ERVV-2: variants seen among roughly 807,000 people sequenced by gnomAD.
ERVV-2 encodes endogenous retrovirus group V member 2 Env polyprotein.
For synonymous variants in ERVV-2, 105 were observed against 184.6 expected, an observed-to-expected ratio of 0.57 and a Z score of 3.49; for missense variants, 291 against 495.1, an observed-to-expected ratio of 0.59 and a Z score of 3.91.
At chr19:53,047,305 GC>G (rs2083894988) in intron 1 of ERVV-2, among the ~76,000 whole-genome samples, 1 of 152,088 alleles carries the variant, frequency 6.6e-6, no homozygotes, top group African/African-American at 2.4e-5. Flanking sequence ...CCAAGATAGC[GC>G]CACTGCACTC....
rs1205853660 is a variant in ERVV-2 at position 53,050,921 on chromosome 19, C to T, written c.*62C>T. 30 of 1,415,020 alleles carry T rather than the reference C, an allele frequency of 2.1e-5. No homozygotes were observed. The highest frequency in any genetic ancestry group is 2.8e-5 in the Non-Finnish European group (30 of 1,075,796). 87.7% of individuals were successfully genotyped at this position (1,415,020 alleles called of 1,614,324 possible). ...GCCCCATGTCAGCAGGAAGTAGTTACAGAAGACCCACGACGTCCTTACAAC... is the reference window on the plus strand; with the variant it reads ...GCCCCATGTCAGCAGGAAGTAGTTATAGAAGACCCACGACGTCCTTACAAC... On this transcript the variant is annotated 3_prime_UTR_variant, in exon 2 of 2. Transcript: ENST00000601417.
chr19:53,048,122 A>T (rs57600990), intron 1 of ERVV-2, among the ~76,000 whole-genome samples: 4,041 of 152,178 alleles, frequency 0.027, 169 homozygotes, highest in African/African-American at 0.091. Flanking sequence ...TGGGCTGATC[A>T]CCTGTCAGGT....
intron 1 of ERVV-2, among the ~76,000 whole-genome samples, chr19:53,047,725 C>T (rs748325868): frequency 5.1e-4 from 78 of 152,164 alleles, no homozygotes; most frequent in Non-Finnish European, 5.1e-4. Context: ...GGTAAAGGGA[C>T]ACTTCCTCTA....
chr19:53,048,250 T>A (rs917898885), intron 1 of ERVV-2, among the ~76,000 whole-genome samples: 2 of 152,072 alleles, frequency 1.3e-5, no homozygotes, highest in Admixed American at 6.6e-5. Context: ...GGCGGTCACC[T>A]GTAATCTCAG....
Position 53,049,053 on chromosome 19 carries a change from A to G in ERVV-2, c.-199A>G. ...GCCTTCTCTCTGTTCACCCAAAACTAAAGTCAATCTCAGTACGGGGAATCT... is the reference window on the plus strand; with the variant it reads ...GCCTTCTCTCTGTTCACCCAAAACTGAAGTCAATCTCAGTACGGGGAATCT... On this transcript the variant is annotated 5_prime_UTR_variant, in exon 2 of 2. Transcript: ENST00000601417. The G allele has an allele frequency of 1.4e-6, 1 of 724,580 alleles. No homozygotes were observed. Among genetic ancestry groups the G allele is most frequent in the Non-Finnish European group, 2.2e-6 (1 of 451,098 alleles). 44.9% of individuals were successfully genotyped at this position (724,580 alleles called of 1,614,324 possible).
intron 1 of ERVV-2, among the ~76,000 whole-genome samples, chr19:53,045,704 A>C (rs1040944696): frequency 6.6e-6 from 1 of 152,186 alleles, no homozygotes; most frequent in East Asian, 1.9e-4. Context: ...ACCGTTGATT[A>C]ATCTCCCAGG....
At chr19:53,048,589 CA>C (rs1300044731) in intron 1 of ERVV-2, among the ~76,000 whole-genome samples, 3 of 146,118 alleles carry the variant, frequency 2.1e-5, no homozygotes, top group Admixed American at 7.0e-5. Flanking sequence ...GCAGGTGAAT[CA>C]CTTGAACCTG....
chr19:53,045,084 C>G (rs867063709), intron 1 of ERVV-2, 126 bp downstream of exon 1: 2 of 152,338 alleles, frequency 1.3e-5, no homozygotes, highest in African/African-American at 4.8e-5. Context: ...CTCTCAGGCT[C>G]TGTTCACTAA....
chr19:53,050,701 T>C lies in ERVV-2; in HGVS notation c.1450T>C (p.Cys484Arg). 6.5e-7 allele frequency: 1 copy of C among 1,531,912 alleles called. No individual in the cohort carries two copies. Among genetic ancestry groups the C allele is most frequent in the Non-Finnish European group, 8.7e-7 (1 of 1,143,076 alleles). 94.9% of individuals were successfully genotyped at this position (1,531,912 alleles called of 1,614,324 possible). The part of the protein sequence containing the change: ...GPCFFNLLIK[C>R]VSSRIKQFHM... ...TTGTTTCTTTAATTTACTGATTAAG[T>C]GTGTCTCTTCTAGGATAAAGCAATT... The change falls in exon 2 of 2, where the codon TGT becomes CGT. Residue 484 changes from cysteine to arginine, a missense_variant. Transcript: ENST00000601417.
intron 1 of ERVV-2, among the ~76,000 whole-genome samples, chr19:53,047,272 CA>C (rs2083894870): frequency 6.6e-6 from 1 of 152,126 alleles, no homozygotes; most frequent in Non-Finnish European, 1.5e-5. Flanking sequence ...CGCTTGAACC[CA>C]GGAGGCGGAG....
Position 53,049,047 on chromosome 19 carries a change from A to G in ERVV-2, c.-205A>G. ...AGTAAAGCCTTCTCTCTGTTCACCCAAAACTAAAGTCAATCTCAGTACGGG... is the reference window on the plus strand; with the variant it reads ...AGTAAAGCCTTCTCTCTGTTCACCCGAAACTAAAGTCAATCTCAGTACGGG... On this transcript the variant is annotated 5_prime_UTR_variant, in exon 2 of 2. Transcript: ENST00000601417. 1.4e-6 allele frequency: 1 copy of G among 720,652 alleles called. No individual in the cohort carries two copies. Among genetic ancestry groups the G allele is most frequent in the Non-Finnish European group, 2.2e-6 (1 of 447,840 alleles). 44.6% of individuals were successfully genotyped at this position (720,652 alleles called of 1,614,324 possible).
At chr19:53,046,253 ACT>A (rs1191562416) in intron 1 of ERVV-2, among the ~76,000 whole-genome samples, 1 of 151,468 alleles carries the variant, frequency 6.6e-6, no homozygotes, top group East Asian at 1.9e-4. Flanking sequence ...CAAGAGCGAA[ACT>A]CTGTCTGAAA....
Position 53,050,831 on chromosome 19 carries a change from G to A in ERVV-2, c.1580G>A (p.Arg527Gln), listed in dbSNP as rs767303595. 72 of 1,533,292 alleles carry A rather than the reference G, an allele frequency of 4.7e-5. No individual in the cohort carries two copies. Among genetic ancestry groups the A allele is most frequent in the Non-Finnish European group, 5.5e-5 (63 of 1,145,914 alleles). 95.0% of individuals were successfully genotyped at this position (1,533,292 alleles called of 1,614,324 possible). A position where few individuals can be genotyped will look rare whatever the true frequency, so the allele number is the denominator to read the frequency against. The change falls in exon 2 of 2, where the codon CGG (arginine) becomes CAG (glutamine). Residue 527 changes from arginine (R) to glutamine (Q), a missense_variant. Physicochemically the swap from Arg to Gln is conservative, Grantham distance 43. Coordinates refer to ENST00000601417, the MANE Select transcript of ERVV-2 (RefSeq NM_001191055.2). Reference protein sequence around the residue: ...SPLDASGQRFRETMEEFSL With the variant: ...SPLDASGQRFQETMEEFSL ...TTGGATGCCAGTGGGCAAAGATTCC[G>A]GGAAACTATGGAGGAATTTTCTCTC...
chr19:53,046,960 G>A (rs2083893615), intron 1 of ERVV-2, among the ~76,000 whole-genome samples: 1 of 152,154 alleles, frequency 6.6e-6, no homozygotes, highest in South Asian at 2.1e-4. Context: ...GAGGTCGGGA[G>A]TTTGAGACCA....
At chr19:53,045,621 A>G (rs1372310819) in intron 1 of ERVV-2, among the ~76,000 whole-genome samples, 2 of 152,078 alleles carry the variant, frequency 1.3e-5, no homozygotes, top group Non-Finnish European at 2.9e-5. Context: ...AATTAAAACT[A>G]CAATCCGGTG....
Position 53,050,552 on chromosome 19 carries a change from G to A in ERVV-2, c.1301G>A (p.Gly434Glu). The change falls in exon 2 of 2, where the codon GGA (glycine) becomes GAA (glutamate). Residue 434 changes from glycine to glutamate, a missense_variant. Transcript: ENST00000601417. ...GAGGCTACGTGGCTCCATGACTTTG[G>A]AAAAGGAGGTGCTTCAGCAAGGGCC... The part of the protein sequence containing the change: ...YDEATWLHDF[G>E]KGGASARAIW... 1 of 784,412 alleles carries A rather than the reference G, an allele frequency of 1.3e-6. No homozygotes were observed. Among genetic ancestry groups the A allele is most frequent in the Non-Finnish European group, 2.2e-6 (1 of 459,544 alleles). The allele number at this position is 784,412 out of a possible 1,614,324, so 48.6% of individuals were successfully genotyped here.
At position 53,049,081 on chromosome 19, in the gene ERVV-2, G is replaced by T. The variant is rs1332852068; in HGVS notation, c.-171G>T. ...GTCAATCTCAGTACGGGGAATCTTG[G>T]TTGCGGTGGCATTGGTTCTTCTCCT... On this transcript the variant is annotated 5_prime_UTR_variant, in exon 2 of 2. Transcript: ENST00000601417. The T allele has an allele frequency of 1.4e-6, 1 of 737,446 alleles. No homozygotes were observed. The highest frequency in any genetic ancestry group is 2.2e-6 in the Non-Finnish European group (1 of 461,148). 45.7% of individuals were successfully genotyped at this position (737,446 alleles called of 1,614,324 possible).
Position 53,049,084 on chromosome 19 carries a change from G to T in ERVV-2, c.-168G>T, listed in dbSNP as rs1033940148. 61 of 737,218 alleles carry T rather than the reference G, an allele frequency of 8.3e-5. 1 individual carries two copies. The highest frequency in any genetic ancestry group is 1.2e-4 in the Non-Finnish European group (57 of 461,614). The allele number at this position is 737,218 out of a possible 1,614,324, so 45.7% of individuals were successfully genotyped here. ...AATCTCAGTACGGGGAATCTTGGTT[G>T]CGGTGGCATTGGTTCTTCTCCTTAT... On this transcript the variant is annotated 5_prime_UTR_variant, in exon 2 of 2. Transcript: ENST00000601417.
At position 53,050,238 on chromosome 19, in the gene ERVV-2, G is replaced by A. The variant is rs1204193474; in HGVS notation, c.987G>A (p.Met329Ile). Residue 329 changes from methionine to isoleucine, a missense_variant, in exon 2 of 2, where the codon ATG (methionine) becomes ATA (isoleucine). Physicochemically the swap from Met to Ile is conservative, Grantham distance 10 (BLOSUM62 1). Transcript: ENST00000601417. ...CTCTGGGTCTAATACTGGCAGGGAT[G>A]GGTGCGGCCATAGGAATGATCGCCC... ...KRALGLILAG[M>I]GAAIGMIAPW... The A allele has an allele frequency of 1.0e-6, 1 of 958,142 alleles. No homozygotes were observed. The highest frequency in any genetic ancestry group is 1.6e-6 in the Non-Finnish European group (1 of 626,164). 59.4% of individuals were successfully genotyped at this position (958,142 alleles called of 1,614,324 possible). A position where few individuals can be genotyped will look rare whatever the true frequency, so the allele number is the denominator to read the frequency against.
Sources: gnomAD v4.1 joint callset for allele counts (sites outside exome capture counted in the v4.1 genomes callset) on GRCh38, gnomAD v4.1.1 for gene constraint, MANE v1.5 for transcripts, NCBI Gene and HGNC (gene_info 2026-07-23, HGNC 2026-07-21) for gene names.